Variants in SYDE2 observed in about 807,000 individuals in gnomAD.
SYDE2 encodes rho GTPase-activating protein SYDE2.
SYDE2 carries 76 observed loss-of-function variants against 91.5 expected under a neutral mutation model. The observed-to-expected ratio is 0.83, with a 90% confidence interval of 0.69 to 1.01. SYDE2 has a LOEUF of 1.01. SYDE2 is among the 50% of genes least tolerant of loss of function. The pLI is 0.00. For missense variants in SYDE2, 1,364 were observed against 1,367.7 expected, an observed-to-expected ratio of 1.00 and a Z score of 0.04; for synonymous variants, 513 against 506.4, an observed-to-expected ratio of 1.01 and a Z score of -0.18.
chr1:85,161,941 G>A (rs902240660), intron 6 of SYDE2, among the ~76,000 whole-genome samples: 4 of 152,116 alleles, frequency 2.6e-5, no homozygotes, highest in Admixed American at 1.3e-4. Flanking sequence ...TCAACGGGAA[G>A]TGTGTTTCCA....
Position 85,200,261 on chromosome 1 carries a change from T to G in SYDE2, c.736A>C (p.Thr246Pro), listed in dbSNP as rs375831341. 34 of 1,613,830 alleles carry G rather than the reference T, an allele frequency of 2.1e-5. No homozygotes were observed. The highest frequency in any genetic ancestry group is 2.8e-5 in the Non-Finnish European group (33 of 1,179,896). ...TCGCAAAGTATCCTACCTGTCAGCG[T>G]AATTCTTTGGTCTGGAGGCACCGAC... ...VLSVPPDQRI[T>P]LTDLFENAYG... is the part of the protein sequence containing the mutation. The change falls in exon 1 of 7, where the codon ACG becomes CCG. Residue 246 changes from threonine (T) to proline (P), a missense_variant. Thr to Pro is a conservative substitution (Grantham distance 38). Coordinates refer to ENST00000341460, the MANE Select transcript of SYDE2 (RefSeq NM_032184.2).
chr1:85,187,941 A>C (rs1337446054), intron 2 of SYDE2, among the ~76,000 whole-genome samples: 1 of 152,068 alleles, frequency 6.6e-6, no homozygotes, highest in South Asian at 2.1e-4. Context: ...GGTGCAGCAC[A>C]TCAGCATGGC....
At position 85,159,171 on chromosome 1, in the gene SYDE2, T is replaced by TTC. The variant is rs1307871588; in HGVS notation, c.3162_3163dup (p.Lys1055ArgfsTer9). 1.3e-6 allele frequency: 1 copy of TTC among 780,728 alleles called. No individual in the cohort carries two copies. The highest frequency in any genetic ancestry group is 1.7e-5 in the African/African-American group (1 of 59,138). 48.4% of individuals were successfully genotyped at this position (780,728 alleles called of 1,614,324 possible). On this transcript the variant is annotated frameshift_variant, in exon 7 of 7. Coordinates refer to ENST00000341460, the MANE Select transcript of SYDE2 (RefSeq NM_032184.2). LOFTEE classifies it high-confidence loss of function. ...ATTTAACATATGAGGTCGTTCTTTC[T>TTC]TCTGCCTCAGATAATTCAGAGAAGA...
chr1:85,169,844 A>G (rs765373274), intron 4 of SYDE2, among the ~76,000 whole-genome samples: 1 of 152,212 alleles, frequency 6.6e-6, no homozygotes, highest in Non-Finnish European at 1.5e-5. Flanking sequence ...TGTCACTATA[A>G]TGGGAATGAG....
chr1:85,161,573 A>G (rs1657060673), intron 6 of SYDE2, among the ~76,000 whole-genome samples: 1 of 152,090 alleles, frequency 6.6e-6, no homozygotes, highest in Non-Finnish European at 1.5e-5. Flanking sequence ...TAAAAATACA[A>G]AAATTAGCTG....
intron 1 of SYDE2, among the ~76,000 whole-genome samples, chr1:85,193,251 C>T (rs1658444741): frequency 6.6e-6 from 1 of 152,282 alleles, no homozygotes; most frequent in Non-Finnish European, 1.5e-5. Context: ...AAGTCTAAAT[C>T]TATTTCACAT....
rs1658803822 is a variant in SYDE2, at chr1:85,200,830, C to T, written c.167G>A (p.Arg56Gln). Residue 56 changes from arginine (R) to glutamine (Q), a missense_variant, in exon 1 of 7, where the codon CGG (arginine) becomes CAG (glutamine). Coordinates refer to ENST00000341460, the MANE Select transcript of SYDE2 (RefSeq NM_032184.2). ...CGACCGGGGCGGGGACACCTGCTGC[C>T]GAGGGCGTCCGCCGCCTCCCCGCTC... is the stretch of plus-strand genomic sequence containing the variant. ...DGERGGGGRP[R>Q]QQVSPPRSPQ... 5.7e-6 allele frequency: 8 copies of T among 1,401,004 alleles called. No individual in the cohort carries two copies. The East Asian group carries it at 1.8e-4, about 32-fold the overall frequency. The allele number at this position is 1,401,004 out of a possible 1,614,324, so 86.8% of individuals were successfully genotyped here.
rs1473485802 is a variant in SYDE2 at position 85,182,533 on chromosome 1, A to G, written c.2109T>C (p.Phe703=). Reference sequence around the variant, plus strand: ...TTACTGAATCTACCTGAATTGCACAAAAGACGTCTTTTGAATCTATCCGAG... The same window carrying G: ...TTACTGAATCTACCTGAATTGCACAGAAGACGTCTTTTGAATCTATCCGAG... ...KPPRIDSKDV[F]CAIQVDSVNK... is the part of the protein sequence containing the mutation. The change falls in exon 3 of 7, where the codon TTT becomes TTC. Residue 703 remains phenylalanine (F), a synonymous_variant. Transcript: ENST00000341460. The G allele has an allele frequency of 6.2e-7, 1 of 1,613,936 alleles. No homozygotes were observed.
intron 4 of SYDE2, among the ~76,000 whole-genome samples, chr1:85,173,711 G>A (rs755353516): frequency 1.3e-5 from 2 of 152,108 alleles, no homozygotes; most frequent in Non-Finnish European, 2.9e-5. Context: ...AAAAAATTAC[G>A]AGGCATATAA....
At chr1:85,173,228 A>G (rs1657565341) in intron 4 of SYDE2, among the ~76,000 whole-genome samples, 1 of 152,202 alleles carries the variant, frequency 6.6e-6, no homozygotes, top group South Asian at 2.1e-4. Flanking sequence ...AGCAGATGAT[A>G]TGAAGAAACA....
Position 85,190,277 on chromosome 1 carries a change from C to G in SYDE2, c.1221G>C (p.Leu407Phe). Residue 407 changes from leucine to phenylalanine, a missense_variant, in exon 2 of 7, where the codon TTG (leucine) becomes TTC (phenylalanine). Physicochemically the swap from Leu to Phe is conservative, Grantham distance 22 (BLOSUM62 0). Coordinates refer to ENST00000341460, the MANE Select transcript of SYDE2 (RefSeq NM_032184.2). The stretch of plus-strand genomic sequence containing the variant: ...CTGCTTTCATCAGGTCACTGCCAGA[C>G]AACATGCTCAAATTGACAGCAGGGA... Reference protein sequence around the residue: ...LKLPAVNLSMLSGSDLMKAER... With the variant: ...LKLPAVNLSMFSGSDLMKAER... 1 of 1,613,956 alleles carries G rather than the reference C, an allele frequency of 6.2e-7. No individual in the cohort carries two copies. The highest frequency in any genetic ancestry group is 8.5e-7 in the Non-Finnish European group (1 of 1,179,890).
chr1:85,194,978 G>A (rs892245008), intron 1 of SYDE2: 17 of 242,330 alleles, frequency 7.0e-5, no homozygotes, highest in African/African-American at 4.0e-4. Context: ...GGCTAACACG[G>A]TGAAACCCTG....
At chr1:85,184,179 ACACTCCTTCAGCAC>A (rs1275699718) in intron 2 of SYDE2, among the ~76,000 whole-genome samples, 1 of 152,206 alleles carries the variant, frequency 6.6e-6, no homozygotes, top group East Asian at 1.9e-4. Flanking sequence ...TGAAACTGGC[ACACTCCTTCAGCAC>A]CTAGAACAGT....
chr1:85,199,854 C>T (rs1658742028), intron 1 of SYDE2, among the ~76,000 whole-genome samples: 1 of 151,894 alleles, frequency 6.6e-6, no homozygotes, highest in East Asian at 1.9e-4. Context: ...TTCAAATTTA[C>T]AAACTCCACA....
At chr1:85,163,510 A>G (rs1481365349) in intron 6 of SYDE2, among the ~76,000 whole-genome samples, 2 of 144,806 alleles carry the variant, frequency 1.4e-5, no homozygotes, top group Non-Finnish European at 3.0e-5. Flanking sequence ...ACATTGACTG[A>G]GTGCTCACTT....
rs1285924911 is a variant in SYDE2, at chr1:85,200,820, C to G, written c.177G>C (p.Val59=). 39 of 1,427,552 alleles carry G rather than the reference C, an allele frequency of 2.7e-5. No homozygotes were observed. The highest frequency in any genetic ancestry group is 3.5e-5 in the Non-Finnish European group (39 of 1,098,868). 88.4% of individuals were successfully genotyped at this position (1,427,552 alleles called of 1,614,324 possible). Residue 59 remains valine (V), a synonymous_variant, in exon 1 of 7, where the codon GTG becomes GTC. Coordinates refer to ENST00000341460, the MANE Select transcript of SYDE2 (RefSeq NM_032184.2). ...RGGGGRPRQQ[V]SPPRSPQREP... Reference sequence around the variant, plus strand: ...CCCTCTGAGGCGACCGGGGCGGGGACACCTGCTGCCGAGGGCGTCCGCCGC... The same window carrying G: ...CCCTCTGAGGCGACCGGGGCGGGGAGACCTGCTGCCGAGGGCGTCCGCCGC...
intron 4 of SYDE2, among the ~76,000 whole-genome samples, chr1:85,174,892 T>C (rs894509791): frequency 6.6e-6 from 1 of 152,222 alleles, no homozygotes; most frequent in East Asian, 1.9e-4. Context: ...ATATGTATGG[T>C]AAGAAAATGT....
intron 4 of SYDE2, among the ~76,000 whole-genome samples, chr1:85,172,846 G>T (rs1657550658): frequency 1.3e-5 from 2 of 152,192 alleles, no homozygotes; most frequent in African/African-American, 4.8e-5. Flanking sequence ...TCAGCAAGGA[G>T]TCCCAAGTGT....
chr1:85,159,759 T>C, intron 6 of SYDE2: 1 of 760,282 alleles, frequency 1.3e-6, no homozygotes, highest in Non-Finnish European at 1.6e-6. Flanking sequence ...GAGTCATAGT[T>C]TACTAAGCAG....
Sources: allele counts gnomAD v4.1 joint callset (sites outside exome capture counted in the v4.1 genomes callset), GRCh38; gene constraint gnomAD v4.1.1; transcripts MANE v1.5; gene names NCBI Gene and HGNC (gene_info 2026-07-23, HGNC 2026-07-21).